PLPPR1: variants seen among roughly 807,000 people sequenced by gnomAD.
PLPPR1 encodes phospholipid phosphatase-related protein type 1.
Under a neutral mutation model 33.1 loss-of-function variants are expected in PLPPR1, and 10 were observed. The observed-to-expected ratio is 0.30, with a 90% confidence interval of 0.19 to 0.51. The LOEUF is 0.51. Ranked by LOEUF, PLPPR1 falls within the 20% of genes least tolerant of loss-of-function variation. The pLI is 0.97. For missense variants in PLPPR1, 304 were observed against 408.1 expected, an observed-to-expected ratio of 0.74 and a Z score of 2.20; for synonymous variants, 151 against 151.0, an observed-to-expected ratio of 1.00 and a Z score of 0.00.
intron 1 of PLPPR1, among the ~76,000 whole-genome samples, chr9:101,054,034 A>C (rs1025863485): frequency 6.6e-6 from 1 of 151,950 alleles, no homozygotes; most frequent in Non-Finnish European, 1.5e-5. Context: ...AAATACAAAA[A>C]TTAGCTGGGC....
At chr9:101,153,300 G>A (rs1474199218) in intron 1 of PLPPR1, among the ~76,000 whole-genome samples, 1 of 152,166 alleles carries the variant, frequency 6.6e-6, no homozygotes, top group Non-Finnish European at 1.5e-5. Context: ...TGGGTGGAGA[G>A]GATGGGGTTT....
At chr9:101,183,114 C>T (rs1043632610) in intron 1 of PLPPR1, among the ~76,000 whole-genome samples, 6 of 151,638 alleles carry the variant, frequency 4.0e-5, no homozygotes, top group African/African-American at 9.7e-5. Flanking sequence ...CATAATTTAA[C>T]GTATGACCCA....
chr9:101,132,875 T>G (rs748590478), intron 1 of PLPPR1, among the ~76,000 whole-genome samples: 16 of 152,188 alleles, frequency 1.1e-4, no homozygotes, highest in Non-Finnish European at 1.6e-4. Context: ...AGTACTTAAG[T>G]GGACTTTTTC....
At chr9:101,163,717 C>T (rs895447769) in intron 1 of PLPPR1, among the ~76,000 whole-genome samples, 1 of 152,182 alleles carries the variant, frequency 6.6e-6, no homozygotes, top group Non-Finnish European at 1.5e-5. Context: ...GATGAGAACA[C>T]TGTAACAGGT....
At chr9:101,293,206 A>G (rs187683369) in intron 4 of PLPPR1, among the ~76,000 whole-genome samples, 9,103 of 150,770 alleles carry the variant, frequency 0.06, 365 homozygotes, top group South Asian at 0.13. Context: ...GAGACAAAAA[A>G]GGCCATTACA....
chr9:101,185,589 T>C, intron 2 of PLPPR1, 32 bp downstream of exon 2: 1 of 1,395,554 alleles, frequency 7.2e-7, no homozygotes, highest in South Asian at 1.2e-5. Context: ...TATGGACAAA[T>C]TGAAATAAAA....
At chr9:101,284,983 C>T (rs543876310) in intron 3 of PLPPR1, among the ~76,000 whole-genome samples, 5 of 152,072 alleles carry the variant, frequency 3.3e-5, no homozygotes, top group Non-Finnish European at 7.4e-5. Context: ...AATTCCTGTG[C>T]CCCATGCACC....
At chr9:101,217,812 A>G (rs1826833964) in intron 2 of PLPPR1, among the ~76,000 whole-genome samples, 1 of 152,224 alleles carries the variant, frequency 6.6e-6, no homozygotes, top group South Asian at 2.1e-4. Context: ...ACAATTGCCT[A>G]TTAACAGAAA....
intron 2 of PLPPR1, among the ~76,000 whole-genome samples, chr9:101,234,977 AT>A (rs1216272852): frequency 6.6e-6 from 1 of 151,884 alleles, no homozygotes; most frequent in Non-Finnish European, 1.5e-5. Context: ...GAGTACAGGG[AT>A]TTTTTTAAAA....
intron 2 of PLPPR1, among the ~76,000 whole-genome samples, chr9:101,224,401 G>A (rs1304979269): frequency 2.0e-5 from 3 of 152,146 alleles, no homozygotes; most frequent in African/African-American, 7.2e-5. Flanking sequence ...CTTTGAATTT[G>A]TTTCCCTTCT....
intron 1 of PLPPR1, among the ~76,000 whole-genome samples, chr9:101,113,177 C>T (rs969406100): frequency 2.0e-5 from 3 of 150,140 alleles, no homozygotes; most frequent in African/African-American, 7.3e-5. Context: ...TAATTTTATT[C>T]TCTTGCTTAA....
intron 4 of PLPPR1, among the ~76,000 whole-genome samples, chr9:101,294,577 A>T (rs1474886280): frequency 6.6e-6 from 1 of 151,824 alleles, no homozygotes; most frequent in Non-Finnish European, 1.5e-5. Context: ...AACCGAATCC[A>T]GCAGCACATC....
chr9:101,260,849 G>A (rs1827885473), intron 2 of PLPPR1, among the ~76,000 whole-genome samples: 1 of 152,056 alleles, frequency 6.6e-6, no homozygotes, highest in Non-Finnish European at 1.5e-5. Flanking sequence ...ATCCTGGGTG[G>A]GTACCACCAT....
chr9:101,246,533 A>G (rs922368359), intron 2 of PLPPR1, among the ~76,000 whole-genome samples: 1 of 152,070 alleles, frequency 6.6e-6, no homozygotes, highest in African/African-American at 2.4e-5. Context: ...ACTGAGTTAT[A>G]GAGAATTTAA....
At chr9:101,187,174 T>C (rs1037174128) in intron 2 of PLPPR1, 4 of 151,944 alleles carry the variant, frequency 2.6e-5, no homozygotes, top group African/African-American at 9.7e-5. Context: ...AAAAATAATT[T>C]TTTAAGTAGG....
intron 2 of PLPPR1, among the ~76,000 whole-genome samples, chr9:101,230,842 G>A: frequency 1.0e-5 from 1 of 95,684 alleles, no homozygotes; most frequent in African/African-American, 5.9e-5. Context: ...TTTTTTTTTT[G>A]AACTAGTCAT....
intron 1 of PLPPR1, among the ~76,000 whole-genome samples, chr9:101,119,143 C>T (rs936605521): frequency 6.6e-6 from 1 of 152,150 alleles, no homozygotes; most frequent in African/African-American, 2.4e-5. Flanking sequence ...TCTTTTCTCC[C>T]CAGCCTTACC....
chr9:101,126,867 C>G (rs1831251754), intron 1 of PLPPR1, among the ~76,000 whole-genome samples: 1 of 152,104 alleles, frequency 6.6e-6, no homozygotes, highest in South Asian at 2.1e-4. Context: ...TGAAATGGCT[C>G]AAGAGCTGCT....
At chr9:101,029,299 G>C (rs1425459131) in intron 1 of PLPPR1, among the ~76,000 whole-genome samples, 197 bp downstream of exon 1, 1 of 152,206 alleles carries the variant, frequency 6.6e-6, no homozygotes, top group East Asian at 1.9e-4. Flanking sequence ...CCTCCTGCGA[G>C]GTGTCAGATT....
Sources: allele counts gnomAD v4.1 joint callset (sites outside exome capture counted in the v4.1 genomes callset), GRCh38; gene constraint gnomAD v4.1.1; transcripts MANE v1.5; gene names NCBI Gene and HGNC (gene_info 2026-07-23, HGNC 2026-07-21).